Variants in RSF1 observed in about 807,000 individuals in gnomAD.
The protein encoded by RSF1 is remodeling and spacing factor 1, also known as HBV pX-associated protein 8.
A neutral mutation model predicts 145.2 loss-of-function variants in RSF1; 13 were observed. That is an observed-to-expected ratio of 0.09 (90% CI 0.06 to 0.14). The LOEUF (loss-of-function observed/expected upper bound fraction) is 0.14. RSF1 is among the 10% of genes least tolerant of loss of function. RSF1 has a pLI of 1.00. For synonymous variants in RSF1, 577 were observed against 592.6 expected, an observed-to-expected ratio of 0.97 and a Z score of 0.38; for missense variants, 1,517 against 1,718.2, an observed-to-expected ratio of 0.88 and a Z score of 2.07.
At chr11:77,727,128 C>A (rs1961074582) in intron 4 of RSF1, among the ~76,000 whole-genome samples, 1 of 152,160 alleles carries the variant, frequency 6.6e-6, no homozygotes, top group Non-Finnish European at 1.5e-5. Context: ...TAGATGTTTT[C>A]TCAAAGTCTT....
intron 1 of RSF1, among the ~76,000 whole-genome samples, chr11:77,799,521 A>G (rs1287878718): frequency 2.0e-5 from 3 of 151,230 alleles, no homozygotes; most frequent in Non-Finnish European, 4.4e-5. Flanking sequence ...AAAAAAAAAA[A>G]GCAAAGGATA....
At chr11:77,676,704 C>T in intron 13 of RSF1, 88 bp downstream of exon 13, 1 of 1,084,604 alleles carries the variant, frequency 9.2e-7, no homozygotes, top group Non-Finnish European at 1.3e-6. Context: ...GAAGAAAACC[C>T]TCATCACAGC....
chr11:77,836,879 C>T, the RSF1 span, among the ~76,000 whole-genome samples: 1 of 152,170 alleles, frequency 6.6e-6, no homozygotes, highest in African/African-American at 2.4e-5. Context: ...GCAGGAGAAT[C>T]GCTTGAACCC....
chr11:77,690,172 A>AC (rs1020261132), intron 9 of RSF1, among the ~76,000 whole-genome samples: 10 of 128,640 alleles, frequency 7.8e-5, no homozygotes, highest in Non-Finnish European at 1.6e-4. Flanking sequence ...AAAAAAAAAA[A>AC]AAAAAAAACA....
Position 77,800,434 on chromosome 11 carries a change from G to T in RSF1, c.187+20094C>A, listed in dbSNP as rs139807780. On this transcript the variant is annotated intron_variant, in intron 1 of 15. Transcript: ENST00000308488. ...TTGAACCCGGGAGGCAGAGGTTGCA[G>T]TGAGCTGAGATCACACCACTGCACT... 9.2e-5 allele frequency among the ~76,000 whole-genome samples: 14 copies of T among 152,166 alleles called. No individual in the cohort carries two copies. The East Asian group carries it at 2.7e-3, about 29-fold the overall frequency.
At chr11:77,755,938 A>C (rs1260114125) in intron 2 of RSF1, among the ~76,000 whole-genome samples, 1 of 152,190 alleles carries the variant, frequency 6.6e-6, no homozygotes, top group Non-Finnish European at 1.5e-5. Context: ...ACAAAGTTTG[A>C]GACAAAGAGC....
the RSF1 span, among the ~76,000 whole-genome samples, chr11:77,866,960 C>A: frequency 6.6e-6 from 1 of 152,084 alleles, no homozygotes; most frequent in Non-Finnish European, 1.5e-5. Flanking sequence ...CCTGCCTCAG[C>A]CTCCTGAGTA....
At chr11:77,762,053 G>C (rs559245755) in intron 2 of RSF1, 2 of 25,012 alleles carry the variant, frequency 8.0e-5, no homozygotes, top group African/African-American at 3.9e-4. Flanking sequence ...TTTTTTTGTA[G>C]AGATGGGATT....
intron 2 of RSF1, among the ~76,000 whole-genome samples, chr11:77,747,700 G>T (rs897964400): frequency 6.6e-6 from 1 of 152,152 alleles, no homozygotes; most frequent in African/African-American, 2.4e-5. Flanking sequence ...ACAGACCAAA[G>T]AAAGAAGATC....
chr11:77,677,612 G>T (rs1159848669), intron 12 of RSF1, among the ~76,000 whole-genome samples: 1 of 152,160 alleles, frequency 6.6e-6, no homozygotes, highest in African/African-American at 2.4e-5. Context: ...TGGAGCATTG[G>T]CTAATAGTGC....
chr11:77,834,441 G>GT, the RSF1 span, among the ~76,000 whole-genome samples: 34,658 of 105,768 alleles, frequency 0.33, 5,863 homozygotes, highest in East Asian at 0.44. Flanking sequence ...AGTTGATTTT[G>GT]TTTTTTTTTT....
At chr11:77,743,774 T>C (rs1339858916) in intron 3 of RSF1, among the ~76,000 whole-genome samples, 1 of 152,212 alleles carries the variant, frequency 6.6e-6, no homozygotes, top group African/African-American at 2.4e-5. Flanking sequence ...GGCAAGTGGG[T>C]GTCCTTGTCT....
intron 7 of RSF1, among the ~76,000 whole-genome samples, chr11:77,698,059 G>C (rs1418894210): frequency 6.6e-6 from 1 of 152,178 alleles, no homozygotes; most frequent in Non-Finnish European, 1.5e-5. Context: ...ATGCTGCCCA[G>C]GCTGCATTTG....
chr11:77,711,803 T>A (rs1219825287), intron 5 of RSF1, among the ~76,000 whole-genome samples: 1 of 152,148 alleles, frequency 6.6e-6, no homozygotes, highest in African/African-American at 2.4e-5. Flanking sequence ...TAAACAGATT[T>A]TATTCAAATT....
chr11:77,671,334 C>T (rs188285475), intron 15 of RSF1, among the ~76,000 whole-genome samples: 14 of 150,342 alleles, frequency 9.3e-5, no homozygotes, highest in East Asian at 3.9e-4. Flanking sequence ...ATAATGATTT[C>T]GGTTTCCAAC....
intron 4 of RSF1, among the ~76,000 whole-genome samples, chr11:77,731,188 G>A (rs1961199417): frequency 6.6e-6 from 1 of 152,176 alleles, no homozygotes; most frequent in African/African-American, 2.4e-5. Flanking sequence ...TGAGGAACTT[G>A]TTCCCCAACA....
At chr11:77,844,434 C>G in the RSF1 span, among the ~76,000 whole-genome samples, 2 of 151,942 alleles carry the variant, frequency 1.3e-5, no homozygotes, top group Non-Finnish European at 2.9e-5. Flanking sequence ...GAGATCATGG[C>G]GCACTGTAGT....
intron 1 of RSF1, among the ~76,000 whole-genome samples, chr11:77,791,303 T>C (rs566218617): frequency 2.0e-3 from 302 of 152,270 alleles, no homozygotes; most frequent in African/African-American, 6.9e-3. Flanking sequence ...CTTTTAGTCA[T>C]GGCTGGAGTG....
At chr11:77,828,351 G>T in the RSF1 span, among the ~76,000 whole-genome samples, 1 of 151,948 alleles carries the variant, frequency 6.6e-6, no homozygotes, top group African/African-American at 2.4e-5. Context: ...AATATTTAGA[G>T]ATTTCTTAAA....
Sources: gnomAD v4.1 joint callset for allele counts (sites outside exome capture counted in the v4.1 genomes callset) on GRCh38, gnomAD v4.1.1 for gene constraint, MANE v1.5 for transcripts, NCBI Gene and HGNC (gene_info 2026-07-23, HGNC 2026-07-21) for gene names.